Variants in EIF4G2 observed in about 807,000 individuals in gnomAD.
The protein encoded by EIF4G2 is eukaryotic translation initiation factor 4 gamma 2.
In EIF4G2, 8 loss-of-function variants were observed where a neutral mutation model predicts 117.7. The ratio of observed to expected loss-of-function variants is 0.07; its 90% confidence interval spans 0.04 to 0.12. EIF4G2 has a LOEUF of 0.12. EIF4G2 is among the 10% of genes least tolerant of loss of function. EIF4G2 has a pLI of 1.00. For synonymous variants in EIF4G2, 413 were observed against 367.8 expected, an observed-to-expected ratio of 1.12 and a Z score of -1.41; for missense variants, 812 against 1,086.2, an observed-to-expected ratio of 0.75 and a Z score of 3.55.
In EIF4G2 at chr11:10,800,395, T is replaced by G. The variant is rs754972867; in HGVS notation, c.1860+37A>C. ...TTTATCAGTTTTCGAATTTGAGTGG[T>G]AAGAGTTCTTACCACACAATCAGTA... On this transcript the variant is annotated intron_variant, in intron 17 of 21. Coordinates refer to ENST00000339995, the MANE Select transcript of EIF4G2 (RefSeq NM_001418.4). The G allele has an allele frequency of 2.0e-5, 32 of 1,612,938 alleles. No individual in the cohort carries two copies. In the South Asian group the frequency reaches 3.4e-4, roughly 17 times the overall value.
chr11:10,797,378 ACAGTT>A lies in EIF4G2; in HGVS notation c.*433_*437del, dbSNP rs2135401617. The A allele has an allele frequency of 6.2e-6, 1 of 160,282 alleles. No individual in the cohort carries two copies. The highest frequency in any genetic ancestry group is 2.4e-5 in the African/African-American group (1 of 41,648). The allele number at this position is 160,282 out of a possible 1,614,324, so 9.9% of individuals were successfully genotyped here. ...ACTATTACGGCAACAACCATCAATT[ACAGTT>A]AAGAATTTTTCTGTAACAACCAAAT... On this transcript the variant is annotated 3_prime_UTR_variant, in exon 22 of 22. Coordinates refer to ENST00000339995, the MANE Select transcript of EIF4G2 (RefSeq NM_001418.4). The surrounding 1 kb of genome is among the most constrained non-coding windows in gnomAD (Gnocchi z 4.5).
chr11:10,808,214 A>T, intron 1 of EIF4G2: 1 of 1,134,600 alleles, frequency 8.8e-7, no homozygotes, highest in South Asian at 1.7e-5. Context: ...AGGGGCAGAA[A>T]TCATCACTCT....
chr11:10,807,830 G>A, intron 1 of EIF4G2: 3 of 984,012 alleles, frequency 3.0e-6, no homozygotes, highest in Non-Finnish European at 3.6e-6. Flanking sequence ...CCTCCCCGTG[G>A]AGAGCTCGTG....
Position 10,806,870 on chromosome 11 carries a change from T to C in EIF4G2, c.57A>G (p.Gly19=). The change falls in exon 3 of 22, where the codon GGA becomes GGG. Residue 19 remains glycine (G), a synonymous_variant. Coordinates refer to ENST00000339995, the MANE Select transcript of EIF4G2 (RefSeq NM_001418.4). ...GCTGAGGTGCACCCCTACTTCCTCC[T>C]CCGCCCGAAGAAGCACTATTTAAAA... 1 of 1,614,114 alleles carries C rather than the reference T, an allele frequency of 6.2e-7. No individual in the cohort carries two copies.
chr11:10,801,756 G>A lies in EIF4G2; in HGVS notation c.1318C>T (p.His440Tyr), dbSNP rs1453087698. Residue 440 changes from histidine to tyrosine, a missense_variant, in exon 14 of 22, where the codon CAT becomes TAT. By Grantham distance (83) the His-to-Tyr change is moderately conservative (BLOSUM62 2). Around this residue, in one of 4 missense-constraint regions of EIF4G2, gnomAD observed 571 missense variants for 642.3 expected, o/e 0.89. Transcript: ENST00000339995. ...GATAAGAGTCCCTGACTCTGGTTAT[G>A]GTAGAGCTGGCTTAGCCCCTATTTC... 2 of 1,614,082 alleles carry A rather than the reference G, an allele frequency of 1.2e-6. No homozygotes were observed. The highest frequency in any genetic ancestry group is 1.7e-6 in the Non-Finnish European group (2 of 1,180,008).
At chr11:10,806,076 T>C in intron 3 of EIF4G2, 29 bp from the exon 4 acceptor site, 2 of 1,613,818 alleles carry the variant, frequency 1.2e-6, no homozygotes, top group Non-Finnish European at 1.7e-6. Context: ...CAAAAACACT[T>C]ATTGTCACAC....
rs1489121746 is a variant in EIF4G2 at position 10,803,721 on chromosome 11, T to C, written c.703-131A>G. 2 of 1,096,684 alleles carry C rather than the reference T, an allele frequency of 1.8e-6. No individual in the cohort carries two copies. The highest frequency in any genetic ancestry group is 4.8e-5 in the East Asian group (2 of 41,266). 67.9% of individuals were successfully genotyped at this position (1,096,684 alleles called of 1,614,324 possible). The stretch of plus-strand genomic sequence containing the variant: ...AATCTAGTATAGGGCTTTCTACCAG[T>C]CTGGTTGATCAGTTCTAACTCTACT... On this transcript the variant is annotated intron_variant, in intron 8 of 21. Coordinates refer to ENST00000339995, the MANE Select transcript of EIF4G2 (RefSeq NM_001418.4). This position sits in a 1 kb window ranked among gnomAD's most constrained non-coding sequence, Gnocchi z 4.0.
intron 3 of EIF4G2, 32 bp downstream of exon 3, chr11:10,806,788 A>G: frequency 6.2e-7 from 1 of 1,609,680 alleles, no homozygotes; most frequent in Non-Finnish European, 8.5e-7. Flanking sequence ...CTGTTAAATA[A>G]AGCTCACTGT....
At chr11:10,805,379 G>C (rs931966706) in intron 4 of EIF4G2, among the ~76,000 whole-genome samples, 5 of 152,118 alleles carry the variant, frequency 3.3e-5, no homozygotes, top group South Asian at 4.1e-4. Context: ...AGCATGACAG[G>C]ATTATGGATT....
At chr11:10,805,429 T>C (rs1847539093) in intron 4 of EIF4G2, among the ~76,000 whole-genome samples, 1 of 151,714 alleles carries the variant, frequency 6.6e-6, no homozygotes, top group Admixed American at 6.6e-5. Flanking sequence ...CCCCAAAATA[T>C]GACGTGCTGT....
chr11:10,807,453 C>A, intron 1 of EIF4G2, 72 bp from the exon 2 acceptor site: 1 of 1,443,262 alleles, frequency 6.9e-7, no homozygotes, highest in South Asian at 1.5e-5. Context: ...TCAATTACAA[C>A]GTATTTCAGA....
intron 1 of EIF4G2, 187 bp downstream of exon 1, chr11:10,808,518 C>T: frequency 2.5e-6 from 3 of 1,214,286 alleles, no homozygotes; most frequent in South Asian, 1.4e-5. Flanking sequence ...TCTACTCCGT[C>T]AGCAACAGGA....
chr11:10,804,254 CT>C, intron 6 of EIF4G2, 32 bp downstream of exon 6: 1 of 1,613,148 alleles, frequency 6.2e-7, no homozygotes, highest in Non-Finnish European at 8.5e-7. Context: ...TTCAAGTCAA[CT>C]TTAAAACAAG....
intron 3 of EIF4G2, 196 bp downstream of exon 3, chr11:10,806,624 T>A: frequency 1.8e-6 from 1 of 557,346 alleles, no homozygotes. Context: ...AATAACAGCT[T>A]GAGAGTCTCA....
rs1847559691 is a variant in EIF4G2, at chr11:10,806,048, CTGAT to C, written c.108-5_108-2del. The C allele has an allele frequency of 6.2e-7, 1 of 1,614,192 alleles. No homozygotes were observed. The highest frequency in any genetic ancestry group is 8.5e-7 in the Non-Finnish European group (1 of 1,180,024). On this transcript the variant is annotated splice_acceptor_variant and splice_polypyrimidine_tract_variant and intron_variant, in intron 3 of 21. Transcript: ENST00000339995. LOFTEE classifies it high-confidence loss of function. The stretch of plus-strand genomic sequence containing the variant: ...CCCTGGGGTTTTCCCCAGGAACTCG[CTGAT>C]TAATAAAAATCAGCAAAAACACTTA...
intron 18 of EIF4G2, 152 bp downstream of exon 18, chr11:10,799,938 A>C: frequency 3.4e-6 from 4 of 1,168,554 alleles, no homozygotes; most frequent in Non-Finnish European, 4.7e-6. Flanking sequence ...TTAAATTATA[A>C]ATCTCTCTTT....
chr11:10,804,028 G>A lies in EIF4G2; in HGVS notation c.573C>T (p.Pro191=), dbSNP rs1334577206. The change falls in exon 8 of 22, where the codon CCC becomes CCT. Residue 191 remains proline, a synonymous_variant. Coordinates refer to ENST00000339995, the MANE Select transcript of EIF4G2 (RefSeq NM_001418.4). ...TCTGTTCCTCCTCCTCGGGGAGGAG[G>A]GGATTTTCACGCTTATCATAGACTG... 2.5e-6 allele frequency: 4 copies of A among 1,613,790 alleles called. No homozygotes were observed. The highest frequency in any genetic ancestry group is 3.4e-6 in the Non-Finnish European group (4 of 1,179,990).
intron 5 of EIF4G2, 67 bp downstream of exon 5, chr11:10,804,846 A>T: frequency 7.2e-7 from 1 of 1,384,798 alleles, no homozygotes; most frequent in African/African-American, 1.4e-5. Flanking sequence ...AAGTGTAAAA[A>T]AACACAACTT....
rs1273857477 is a variant in EIF4G2, at chr11:10,803,146, T to C, written c.898-18A>G. The C allele has an allele frequency of 1.7e-5, 28 of 1,602,480 alleles. No individual in the cohort carries two copies. The highest frequency in any genetic ancestry group is 2.4e-5 in the Non-Finnish European group (28 of 1,175,566). On this transcript the variant is annotated intron_variant, in intron 10 of 21. Coordinates refer to ENST00000339995, the MANE Select transcript of EIF4G2 (RefSeq NM_001418.4). The surrounding 1 kb of genome is among the most constrained non-coding windows in gnomAD (Gnocchi z 4.0). ...ACGGTATCCTTTAATTGAAAAATAA[T>C]TTTATTTTAATATTCCTAAACCAAA...
Sources: gnomAD v4.1 joint callset for allele counts (sites outside exome capture counted in the v4.1 genomes callset) on GRCh38, gnomAD v4.1.1 for gene constraint, gnomAD v4.1.1 regional missense constraint, Gnocchi (gnomAD v3.1) non-coding constraint, MANE v1.5 for transcripts, NCBI Gene and HGNC (gene_info 2026-07-23, HGNC 2026-07-21) for gene names.